Variants in SPTBN1 observed in about 807,000 individuals in gnomAD.
SPTBN1 encodes spectrin beta chain, non-erythrocytic 1.
Under a neutral mutation model 266.4 loss-of-function variants are expected in SPTBN1, and 32 were observed. The observed-to-expected ratio is 0.12, with a 90% confidence interval of 0.09 to 0.16. SPTBN1 has a LOEUF of 0.16. SPTBN1 is among the 10% of genes least tolerant of loss of function. The pLI is 1.00. For synonymous variants in SPTBN1, 1,336 were observed against 1,162.2 expected, an observed-to-expected ratio of 1.15 and a Z score of -3.04; for missense variants, 2,296 against 3,067.1, an observed-to-expected ratio of 0.75 and a Z score of 5.94.
At chr2:54,647,091 A>G (rs1294928289) in intron 23 of SPTBN1, 40 bp from the exon 24 acceptor site, 59 of 1,613,840 alleles carry the variant, frequency 3.7e-5, no homozygotes, top group Non-Finnish European at 4.9e-5. Context: ...GTAGGGCCAG[A>G]GGGGACCGCT....
chr2:54,618,650 C>T (rs1230379872), intron 7 of SPTBN1, among the ~76,000 whole-genome samples: 1 of 152,196 alleles, frequency 6.6e-6, no homozygotes, highest in African/African-American at 2.4e-5. Context: ...TTAATGAATA[C>T]TTGTTGGCTG....
intron 1 of SPTBN1, among the ~76,000 whole-genome samples, chr2:54,470,065 A>T (rs1693844946): frequency 6.6e-6 from 1 of 152,204 alleles, no homozygotes; most frequent in Non-Finnish European, 1.5e-5. Flanking sequence ...GATAATCAGG[A>T]TGATTTCTTA....
intron 18 of SPTBN1, among the ~76,000 whole-genome samples, chr2:54,641,009 T>A (rs1679503014): frequency 6.6e-6 from 1 of 152,248 alleles, no homozygotes; most frequent in Non-Finnish European, 1.5e-5. Flanking sequence ...GGTACAGGGA[T>A]GTGAGTTAGT....
chr2:54,577,063 C>A (rs1269216362), intron 2 of SPTBN1, among the ~76,000 whole-genome samples: 2 of 151,962 alleles, frequency 1.3e-5, no homozygotes, highest in Non-Finnish European at 2.9e-5. Context: ...AGTTTTTTTT[C>A]CCCTTCCATT....
intron 1 of SPTBN1, among the ~76,000 whole-genome samples, chr2:54,490,157 C>T (rs1036515081): frequency 2.6e-5 from 4 of 151,680 alleles, no homozygotes; most frequent in South Asian, 2.1e-4. Context: ...CTGCAACCTC[C>T]GCCTCCCAGG....
intron 1 of SPTBN1, among the ~76,000 whole-genome samples, chr2:54,481,573 G>C (rs1322984067): frequency 6.6e-6 from 1 of 152,182 alleles, no homozygotes; most frequent in Non-Finnish European, 1.5e-5. Context: ...AGTAAAGGTT[G>C]AGATTTGTGC....
At chr2:54,599,629 C>G (rs1676343504) in intron 3 of SPTBN1, among the ~76,000 whole-genome samples, 1 of 152,204 alleles carries the variant, frequency 6.6e-6, no homozygotes, top group South Asian at 2.1e-4. Flanking sequence ...TTCTGGTTGT[C>G]TAGAAAATCT....
intron 1 of SPTBN1, among the ~76,000 whole-genome samples, chr2:54,457,571 C>T (rs1693124175): frequency 6.6e-6 from 1 of 152,122 alleles, no homozygotes; most frequent in Non-Finnish European, 1.5e-5. Flanking sequence ...CGGGGATGTG[C>T]TTTTTTGGCA....
At chr2:54,562,696 T>TTGTGTGTGTG (rs55947327) in intron 2 of SPTBN1, among the ~76,000 whole-genome samples, 15,042 of 122,346 alleles carry the variant, frequency 0.12, 1,120 homozygotes, top group African/African-American at 0.19. Context: ...AAACCCTGCT[T>TTGTGTGTGTG]TGTGTGTGTG....
Position 54,668,810 on chromosome 2 carries a change from A to G in SPTBN1, c.*241A>G, listed in dbSNP as rs1376820897. 6 of 484,554 alleles carry G rather than the reference A, an allele frequency of 1.2e-5. No individual in the cohort carries two copies. The highest frequency in any genetic ancestry group is 2.0e-5 in the African/African-American group (1 of 51,112). 30.0% of individuals were successfully genotyped at this position (484,554 alleles called of 1,614,324 possible). ...CAGATTTTTTTTTTAATGAAATTAT[A>G]TAGATTAGATCTCAGTATTTAAACT... On this transcript the variant is annotated 3_prime_UTR_variant, in exon 36 of 36. Coordinates refer to ENST00000356805, the MANE Select transcript of SPTBN1 (RefSeq NM_003128.3).
At chr2:54,633,369 A>T (rs1184938771) in intron 17 of SPTBN1, among the ~76,000 whole-genome samples, 1 of 152,016 alleles carries the variant, frequency 6.6e-6, no homozygotes, top group African/African-American at 2.4e-5. Context: ...GATTGGATAC[A>T]CTTTCTTCAT....
At chr2:54,569,038 C>T (rs1161631375) in intron 2 of SPTBN1, among the ~76,000 whole-genome samples, 1 of 152,150 alleles carries the variant, frequency 6.6e-6, no homozygotes, top group Non-Finnish European at 1.5e-5. Flanking sequence ...TGTGAAATAT[C>T]TGTTACATGG....
At chr2:54,639,603 G>A (rs1269700517) in intron 18 of SPTBN1, among the ~76,000 whole-genome samples, 1 of 152,190 alleles carries the variant, frequency 6.6e-6, no homozygotes, top group Non-Finnish European at 1.5e-5. Context: ...GACATATGTC[G>A]ATTTCGTTAA....
intron 1 of SPTBN1, among the ~76,000 whole-genome samples, chr2:54,485,848 G>C (rs1319042330): frequency 6.8e-6 from 1 of 146,492 alleles, no homozygotes; most frequent in African/African-American, 2.6e-5. Flanking sequence ...CCGCCGCCCT[G>C]TCTGGGATGT....
At chr2:54,560,513 A>G (rs926785503) in intron 2 of SPTBN1, among the ~76,000 whole-genome samples, 3 of 152,202 alleles carry the variant, frequency 2.0e-5, no homozygotes, top group Admixed American at 6.5e-5. Context: ...GCCTACACAC[A>G]GGAAATGTCT....
intron 2 of SPTBN1, among the ~76,000 whole-genome samples, chr2:54,583,321 C>G (rs745673345): frequency 6.6e-6 from 1 of 152,138 alleles, no homozygotes; most frequent in Admixed American, 6.5e-5. Context: ...TCTGCTTCTG[C>G]GTCTATCCTT....
chr2:54,494,351 T>C (rs1198145496), intron 1 of SPTBN1, among the ~76,000 whole-genome samples: 1 of 152,174 alleles, frequency 6.6e-6, no homozygotes, highest in African/African-American at 2.4e-5. Flanking sequence ...GTATGACCTG[T>C]GATATTACCC....
At chr2:54,612,733 A>G (rs776416943) in intron 4 of SPTBN1, among the ~76,000 whole-genome samples, 4 of 152,138 alleles carry the variant, frequency 2.6e-5, no homozygotes, top group Non-Finnish European at 5.9e-5. Context: ...ACTTCACTCA[A>G]CTATGACATG....
In SPTBN1 at chr2:54,555,962, T is replaced by TA. The variant is rs1368947838; in HGVS notation, c.148+29397dup. Among the ~76,000 whole-genome samples, 3 of 152,360 alleles carry TA rather than the reference T, an allele frequency of 2.0e-5. No homozygotes were observed. The East Asian group carries it at 5.8e-4, about 29-fold the overall frequency. ...CTTAGAGCTGTCCTCCCCTGGCCCTTACTATATTCTTTTGGTACTTTACTG... is the reference window on the plus strand; with the variant it reads ...CTTAGAGCTGTCCTCCCCTGGCCCTTAACTATATTCTTTTGGTACTTTACTG... On this transcript the variant is annotated intron_variant, in intron 2 of 35. Coordinates refer to ENST00000356805, the MANE Select transcript of SPTBN1 (RefSeq NM_003128.3).
Sources: allele counts gnomAD v4.1 joint callset (sites outside exome capture counted in the v4.1 genomes callset), GRCh38; gene constraint gnomAD v4.1.1; transcripts MANE v1.5; gene names NCBI Gene and HGNC (gene_info 2026-07-23, HGNC 2026-07-21).